The following ZNF423 variants were observed in gnomAD, a reference collection of about 807,000 sequenced individuals.
ZNF423 encodes the protein Ebf-associated zinc finger protein.
A neutral mutation model predicts 95.8 loss-of-function variants in ZNF423; 12 were observed. That is an observed-to-expected ratio of 0.13 (90% CI 0.08 to 0.20). ZNF423 has a LOEUF of 0.20. Ranked by LOEUF, ZNF423 falls within the 10% of genes least tolerant of loss-of-function variation. ZNF423 has a pLI of 1.00. For synonymous variants in ZNF423, 749 were observed against 711.9 expected, an observed-to-expected ratio of 1.05 and a Z score of -0.83; for missense variants, 1,316 against 1,737.1, an observed-to-expected ratio of 0.76 and a Z score of 4.31.
chr16:49,546,706 G>A (rs1434588507), intron 5 of ZNF423, among the ~76,000 whole-genome samples: 1 of 152,296 alleles, frequency 6.6e-6, no homozygotes, highest in East Asian at 1.9e-4. Flanking sequence ...CGCCAAGGCT[G>A]AACCTTAATG....
intron 5 of ZNF423, among the ~76,000 whole-genome samples, chr16:49,587,557 A>T (rs1303624969): frequency 6.6e-6 from 1 of 152,080 alleles, no homozygotes; most frequent in African/African-American, 2.4e-5. Flanking sequence ...GGAGAGGGTG[A>T]AGACAGTTTC....
chr16:49,563,011 C>T (rs968503027), intron 5 of ZNF423, among the ~76,000 whole-genome samples: 7 of 152,172 alleles, frequency 4.6e-5, no homozygotes, highest in Non-Finnish European at 1.0e-4. Flanking sequence ...TCTTGATCTC[C>T]TGACCTCATG....
intron 2 of ZNF423, among the ~76,000 whole-genome samples, chr16:49,781,486 C>G (rs931112815): frequency 6.6e-6 from 1 of 152,132 alleles, no homozygotes; most frequent in African/African-American, 2.4e-5. Context: ...GAATGGAGCT[C>G]GAAAGGGGAC....
chr16:49,743,127 A>G (rs2033449089), intron 2 of ZNF423, among the ~76,000 whole-genome samples: 1 of 152,124 alleles, frequency 6.6e-6, no homozygotes, highest in Admixed American at 6.5e-5. Flanking sequence ...CTCCACACCC[A>G]GGGAGCCCCG....
At chr16:49,525,574 C>T (rs1351612116) in intron 5 of ZNF423, 80 bp from the exon 6 acceptor site, 4 of 1,579,094 alleles carry the variant, frequency 2.5e-6, no homozygotes, top group African/African-American at 2.7e-5. Flanking sequence ...TCCCATAGAC[C>T]CCAGCACTAA....
At position 49,720,003 on chromosome 16, in the gene ZNF423, C is replaced by T. The variant is rs1045273488; in HGVS notation, c.301+10768G>A. Among the ~76,000 whole-genome samples, 4 of 152,268 alleles carry T rather than the reference C, an allele frequency of 2.6e-5. No individual in the cohort carries two copies. In the South Asian group the frequency reaches 8.3e-4, roughly 32 times the overall value. The stretch of plus-strand genomic sequence containing the variant: ...GCTGCCCAGCCTCTCTCCAGCCTGG[C>T]CTGAGACCTGAACATAATATTGTAG... On this transcript the variant is annotated intron_variant, in intron 3 of 7. Transcript: ENST00000563137.
chr16:49,528,465 A>G (rs1332608576), intron 5 of ZNF423, among the ~76,000 whole-genome samples: 1 of 152,108 alleles, frequency 6.6e-6, no homozygotes, highest in East Asian at 1.9e-4. Flanking sequence ...CAAGAGCCCA[A>G]CAGACCACTG....
intron 5 of ZNF423, among the ~76,000 whole-genome samples, chr16:49,584,163 T>C (rs963270584): frequency 3.3e-5 from 5 of 152,238 alleles, no homozygotes; most frequent in South Asian, 2.1e-4. Context: ...ATGAGAGTTA[T>C]AGCTGGTTGG....
chr16:49,850,962 A>T (rs2144124723), intron 1 of ZNF423, among the ~76,000 whole-genome samples: 2 of 152,270 alleles, frequency 1.3e-5, no homozygotes, highest in South Asian at 4.2e-4. Flanking sequence ...ATTGTTGAGG[A>T]GGAGTGGGAG....
chr16:49,636,688 G>A lies in ZNF423; in HGVS notation c.2488C>T (p.Leu830=). The A allele has an allele frequency of 6.2e-7, 1 of 1,614,126 alleles. No individual in the cohort carries two copies. The highest frequency in any genetic ancestry group is 8.5e-7 in the Non-Finnish European group (1 of 1,180,040). Residue 830 remains leucine, a synonymous_variant, in exon 4 of 8, where the codon CTG becomes TTG. Transcript: ENST00000563137. This position sits in a 1 kb window ranked among gnomAD's most constrained non-coding sequence, Gnocchi z 8.6. ...TGCTTCTCCCGCAGGTGCTTCTCCA[G>A]CAGGATGATGGCGTGGAAGGCCTTG... ...CSKAFHAIIL[L]EKHLREKHCV...
At chr16:49,733,289 GATA>G (rs1053820678) in intron 2 of ZNF423, among the ~76,000 whole-genome samples, 2 of 152,110 alleles carry the variant, frequency 1.3e-5, no homozygotes, top group Non-Finnish European at 2.9e-5. Context: ...CGACCCTCCA[GATA>G]ATAAGTTACA....
At chr16:49,653,901 T>C (rs1973506543) in intron 3 of ZNF423, among the ~76,000 whole-genome samples, 2 of 152,172 alleles carry the variant, frequency 1.3e-5, no homozygotes, top group African/African-American at 4.8e-5. Context: ...GTCTGGGGCA[T>C]TGTCATAGTG....
chr16:49,697,065 G>A lies in ZNF423; in HGVS notation c.301+33706C>T, dbSNP rs193066645. Among the ~76,000 whole-genome samples the A allele has an allele frequency of 8.3e-4, 127 of 152,314 alleles. 1 individual carries two copies. Among genetic ancestry groups the A allele is most frequent in the Admixed American group, 6.4e-3 (98 of 15,302 alleles). On this transcript the variant is annotated intron_variant, in intron 3 of 7. Transcript: ENST00000563137. Reference sequence around the variant, plus strand: ...GTGGGGGAGGAGGCTGGCTGGTGACGGGCTGGCCCACACCTTTCTTCGACC... The same window carrying A: ...GTGGGGGAGGAGGCTGGCTGGTGACAGGCTGGCCCACACCTTTCTTCGACC...
chr16:49,693,807 G>A (rs549436128), intron 3 of ZNF423, among the ~76,000 whole-genome samples: 13 of 152,300 alleles, frequency 8.5e-5, no homozygotes, highest in African/African-American at 2.2e-4. Flanking sequence ...CAACAAAAAC[G>A]AAAGCAGAGA....
At chr16:49,693,493 C>T (rs1345172097) in intron 3 of ZNF423, among the ~76,000 whole-genome samples, 2 of 152,154 alleles carry the variant, frequency 1.3e-5, no homozygotes, top group Non-Finnish European at 2.9e-5. Flanking sequence ...TGCTTTTCAG[C>T]CTGGCCAGCA....
chr16:49,822,607 G>T, intron 1 of ZNF423: 1 of 1,383,606 alleles, frequency 7.2e-7, no homozygotes, highest in Admixed American at 2.2e-5. Flanking sequence ...GCTCTAGTTC[G>T]AGCTCCTTCT....
chr16:49,848,685 C>T (rs745733074), intron 1 of ZNF423, among the ~76,000 whole-genome samples: 10 of 152,156 alleles, frequency 6.6e-5, no homozygotes, highest in Non-Finnish European at 1.5e-4. Context: ...CATTAATTTT[C>T]AATTATTGGA....
rs1597076867 is a variant in ZNF423 at position 49,542,239 on chromosome 16, A to G, written c.3602-16745T>C. Reference sequence around the variant, plus strand: ...TGGTCCCTGCTGGGTCTCTGCCTTCATGGGGGCAAATTGCTCCCTCTGGCC... The same window carrying G: ...TGGTCCCTGCTGGGTCTCTGCCTTCGTGGGGGCAAATTGCTCCCTCTGGCC... On this transcript the variant is annotated intron_variant, in intron 5 of 7. Transcript: ENST00000563137. Among the ~76,000 whole-genome samples, 4 of 152,282 alleles carry G rather than the reference A, an allele frequency of 2.6e-5. No individual in the cohort carries two copies. In the South Asian group the frequency reaches 8.3e-4, roughly 32 times the overall value.
chr16:49,626,452 C>G (rs1183994392), intron 4 of ZNF423, among the ~76,000 whole-genome samples, 198 bp from the exon 5 acceptor site: 2 of 152,046 alleles, frequency 1.3e-5, no homozygotes, highest in Non-Finnish European at 2.9e-5. Context: ...AGCTACATTC[C>G]AAGGGAGCTG....
Sources: gnomAD v4.1 joint callset for allele counts (sites outside exome capture counted in the v4.1 genomes callset) on GRCh38, gnomAD v4.1.1 for gene constraint, Gnocchi (gnomAD v3.1) non-coding constraint, MANE v1.5 for transcripts, NCBI Gene and HGNC (gene_info 2026-07-23, HGNC 2026-07-21) for gene names.